EXOC6B: variants seen among roughly 807,000 people sequenced by gnomAD.
EXOC6B encodes the protein SEC15 homolog B.
Under a neutral mutation model 113.5 loss-of-function variants are expected in EXOC6B, and 54 were observed. The observed-to-expected ratio is 0.48, with a 90% CI of 0.38 to 0.60. The LOEUF (loss-of-function observed/expected upper bound fraction) is 0.60. EXOC6B is among the 20% of genes least tolerant of loss of function. The pLI, the probability that EXOC6B is intolerant of heterozygous loss-of-function variation, is 0.00. For synonymous variants in EXOC6B, 357 were observed against 339.0 expected, an observed-to-expected ratio of 1.05 and a Z score of -0.58; for missense variants, 797 against 977.5, an observed-to-expected ratio of 0.82 and a Z score of 2.46.
chr2:72,680,935 C>T (rs1676658769), intron 6 of EXOC6B, among the ~76,000 whole-genome samples: 1 of 152,140 alleles, frequency 6.6e-6, no homozygotes, highest in African/African-American at 2.4e-5. Flanking sequence ...AGGTTTATCG[C>T]TCTTCAGTGT....
chr2:72,617,582 G>T (rs1180950929), intron 6 of EXOC6B, among the ~76,000 whole-genome samples: 9 of 142,158 alleles, frequency 6.3e-5, no homozygotes, highest in Non-Finnish European at 4.5e-5. Flanking sequence ...GAGTGCAAAG[G>T]CGCGATCTCA....
chr2:72,556,571 T>C (rs960327960), intron 8 of EXOC6B, among the ~76,000 whole-genome samples: 2 of 152,178 alleles, frequency 1.3e-5, no homozygotes, highest in Non-Finnish European at 2.9e-5. Context: ...GAGCTTCTGT[T>C]GAAAAACAAA....
chr2:72,439,928 T>C (rs575176380), intron 18 of EXOC6B, among the ~76,000 whole-genome samples: 2 of 152,308 alleles, frequency 1.3e-5, no homozygotes, highest in South Asian at 4.1e-4. Context: ...CTTCTCCATA[T>C]GGCTGCTGTG....
At chr2:72,398,333 T>C (rs1016289577) in intron 18 of EXOC6B, among the ~76,000 whole-genome samples, 1 of 152,218 alleles carries the variant, frequency 6.6e-6, no homozygotes, top group Admixed American at 6.5e-5. Flanking sequence ...GCTCTTCTGG[T>C]ACTCAGGCAT....
intron 20 of EXOC6B, among the ~76,000 whole-genome samples, chr2:72,199,176 T>C (rs1020709409): frequency 7.9e-5 from 12 of 152,182 alleles, no homozygotes; most frequent in Non-Finnish European, 1.2e-4. Context: ...GCTGTAATAT[T>C]GAGCCACACA....
At chr2:72,539,635 T>C (rs1558775667) in intron 8 of EXOC6B, among the ~76,000 whole-genome samples, 1 of 152,196 alleles carries the variant, frequency 6.6e-6, no homozygotes, top group Non-Finnish European at 1.5e-5. Flanking sequence ...TTTCAACTCA[T>C]ATTTTGGTTA....
rs552364670 is a variant in EXOC6B, at chr2:72,476,006, G to A, written c.1800+4610C>T. Among the ~76,000 whole-genome samples the A allele has an allele frequency of 1.8e-4, 28 of 152,310 alleles. No individual in the cohort carries two copies. The South Asian group carries it at 3.3e-3, about 18-fold the overall frequency. ...GTACCAGTGGTCTCCAGGATAATGC[G>A]CTATCTGTTGGAGTCAGGGCTCTAA... On this transcript the variant is annotated intron_variant, in intron 17 of 21. Transcript: ENST00000272427.
intron 20 of EXOC6B, among the ~76,000 whole-genome samples, chr2:72,255,015 T>C (rs1259880416): frequency 6.6e-6 from 1 of 152,150 alleles, no homozygotes; most frequent in Non-Finnish European, 1.5e-5. Context: ...GATGCCAAAA[T>C]TAGGAAACTT....
At chr2:72,271,166 T>C (rs1379888120) in intron 20 of EXOC6B, among the ~76,000 whole-genome samples, 3 of 152,146 alleles carry the variant, frequency 2.0e-5, no homozygotes, top group African/African-American at 7.2e-5. Flanking sequence ...AGTGACTTGA[T>C]TGGGACCAAG....
intron 8 of EXOC6B, among the ~76,000 whole-genome samples, chr2:72,536,118 C>G (rs1702275252): frequency 6.6e-6 from 1 of 152,150 alleles, no homozygotes; most frequent in South Asian, 2.1e-4. Flanking sequence ...AGATACATTG[C>G]TGATGCATGC....
intron 6 of EXOC6B, among the ~76,000 whole-genome samples, chr2:72,595,178 T>G (rs1573456223): frequency 6.6e-6 from 1 of 151,554 alleles, no homozygotes; most frequent in East Asian, 1.9e-4. Context: ...GGAGAATCAC[T>G]TGAACTCAGG....
intron 5 of EXOC6B, among the ~76,000 whole-genome samples, chr2:72,726,008 A>G (rs1680278613): frequency 6.6e-6 from 1 of 152,236 alleles, no homozygotes; most frequent in Non-Finnish European, 1.5e-5. Context: ...AAAGGTAACT[A>G]AAGCAGTATA....
intron 1 of EXOC6B, among the ~76,000 whole-genome samples, chr2:72,796,371 T>C (rs1684950135): frequency 6.6e-6 from 1 of 150,650 alleles, no homozygotes. Context: ...GAGAATCATT[T>C]GAACCCAGGA....
intron 16 of EXOC6B, among the ~76,000 whole-genome samples, chr2:72,491,345 TGCCCACCTG>T (rs917961301): frequency 2.0e-5 from 3 of 152,150 alleles, no homozygotes; most frequent in African/African-American, 7.2e-5. Context: ...CAGAAGTAAA[TGCCCACCTG>T]GCTTCCAGCT....
At chr2:72,212,589 G>A (rs953353041) in intron 20 of EXOC6B, among the ~76,000 whole-genome samples, 1 of 152,152 alleles carries the variant, frequency 6.6e-6, no homozygotes, top group African/African-American at 2.4e-5. Context: ...GACAATAATG[G>A]AGGAAATGGA....
chr2:72,731,385 C>A, intron 3 of EXOC6B, 140 bp from the exon 4 acceptor site: 1 of 653,210 alleles, frequency 1.5e-6, no homozygotes, highest in Non-Finnish European at 2.7e-6. Flanking sequence ...AACTAAGGAA[C>A]TGCCTTTCCT....
chr2:72,186,422 G>GTTC (rs999130722), intron 20 of EXOC6B, among the ~76,000 whole-genome samples: 7 of 151,988 alleles, frequency 4.6e-5, no homozygotes, highest in Non-Finnish European at 7.4e-5. Flanking sequence ...AGTACCCCTT[G>GTTC]TTCTAAAGTT....
At chr2:72,277,578 G>A (rs1300892402) in intron 20 of EXOC6B, among the ~76,000 whole-genome samples, 1 of 151,502 alleles carries the variant, frequency 6.6e-6, no homozygotes, top group African/African-American at 2.4e-5. Context: ...TGCAACCTTC[G>A]CCTCCTGGGT....
chr2:72,201,271 T>C (rs890661785), intron 20 of EXOC6B, among the ~76,000 whole-genome samples: 1 of 152,230 alleles, frequency 6.6e-6, no homozygotes, highest in African/African-American at 2.4e-5. Flanking sequence ...TTAAATATAC[T>C]ACAATGTATT....
Sources: allele counts gnomAD v4.1 joint callset (sites outside exome capture counted in the v4.1 genomes callset), GRCh38; gene constraint gnomAD v4.1.1; transcripts MANE v1.5; gene names NCBI Gene and HGNC (gene_info 2026-07-23, HGNC 2026-07-21).